The following EVC2 variants were observed in gnomAD, a reference collection of about 807,000 sequenced individuals.
The protein encoded by EVC2 is EvC ciliary complex subunit 2, also known as limbin.
In EVC2, 148 loss-of-function variants were observed where a neutral mutation model predicts 149.3. That is an observed-to-expected ratio of 0.99 (90% confidence interval 0.87 to 1.14). The LOEUF (loss-of-function observed/expected upper bound fraction) is 1.14. Among genes scored for constraint, EVC2 ranks in the 50% most tolerant of loss-of-function variants. The pLI, the probability that EVC2 is intolerant of heterozygous loss-of-function variation, is 0.00. For missense variants in EVC2, 1,854 were observed against 1,627.3 expected, an observed-to-expected ratio of 1.14 and a Z score of -2.40; for synonymous variants, 776 against 649.9, an observed-to-expected ratio of 1.19 and a Z score of -2.95.
rs765159349 is a variant in EVC2 at position 5,685,454 on chromosome 4, G to A, written c.732C>T (p.Tyr244=). 3.3e-5 allele frequency: 54 copies of A among 1,614,086 alleles called. No homozygotes were observed. Among genetic ancestry groups the A allele is most frequent in the Middle Eastern group, 1.6e-4 (1 of 6,084 alleles). ...GGTCTCCAGCCTGGAGCGTGGCTGCGTAGCTGACAGCAAAGGCATCTCCCA... is the reference window on the plus strand; with the variant it reads ...GGTCTCCAGCCTGGAGCGTGGCTGCATAGCTGACAGCAAAGGCATCTCCCA... ...LQVGDAFAVS[Y]AATLQAGDLG... is the part of the protein sequence containing the mutation. Residue 244 remains tyrosine, a synonymous_variant, in exon 6 of 22, where the codon TAC becomes TAT. Coordinates refer to ENST00000344408, the MANE Select transcript of EVC2 (RefSeq NM_147127.5).
chr4:5,539,705 ATGT>A (rs1446493585), downstream of EVC2, among the ~76,000 whole-genome samples: 1 of 152,148 alleles, frequency 6.6e-6, no homozygotes, highest in Non-Finnish European at 1.5e-5. Context: ...TCAAAAAATG[ATGT>A]TGTACAATTG....
intron 9 of EVC2, among the ~76,000 whole-genome samples, chr4:5,645,596 CT>C (rs915451453): frequency 2.8e-4 from 42 of 152,286 alleles, no homozygotes; most frequent in African/African-American, 1.0e-3. Flanking sequence ...TGATCTCACT[CT>C]TTTTTAACGG....
intron 16 of EVC2, among the ~76,000 whole-genome samples, chr4:5,606,676 CA>C (rs1714415662): frequency 6.6e-6 from 1 of 152,018 alleles, no homozygotes; most frequent in African/African-American, 2.4e-5. Flanking sequence ...AGAGAAAACC[CA>C]ATCAATAGAA....
At chr4:5,682,929 T>C (rs1401347189) in intron 6 of EVC2, among the ~76,000 whole-genome samples, 1 of 151,600 alleles carries the variant, frequency 6.6e-6, no homozygotes, top group Non-Finnish European at 1.5e-5. Context: ...GCAACCCATG[T>C]AATTCTCATT....
chr4:5,546,260 C>G (rs552475204), intron 21 of EVC2, among the ~76,000 whole-genome samples: 5 of 152,298 alleles, frequency 3.3e-5, no homozygotes, highest in Non-Finnish European at 7.3e-5. Flanking sequence ...AAGGCACATG[C>G]ATACGTATGT....
intron 4 of EVC2, among the ~76,000 whole-genome samples, chr4:5,689,798 C>G (rs902870519): frequency 1.3e-5 from 2 of 152,180 alleles, no homozygotes; most frequent in African/African-American, 2.4e-5. Context: ...GATCATCTCC[C>G]ACATTCAGGC....
At chr4:5,688,237 T>C (rs1720852285) in intron 5 of EVC2, among the ~76,000 whole-genome samples, 1 of 152,146 alleles carries the variant, frequency 6.6e-6, no homozygotes, top group South Asian at 2.1e-4. Context: ...TGAGGCCTTA[T>C]CTAGGCTCAG....
rs1717260690 is a variant in EVC2, at chr4:5,640,653, T to G, written c.1331A>C (p.Gln444Pro). The G allele has an allele frequency of 1.2e-6, 2 of 1,614,140 alleles. No individual in the cohort carries two copies. Among genetic ancestry groups the G allele is most frequent in the East Asian group, 4.5e-5 (2 of 44,872 alleles). Residue 444 changes from glutamine (Q) to proline (P), a missense_variant, in exon 10 of 22, where the codon CAA (glutamine) becomes CCA (proline). By Grantham distance (76) the Gln-to-Pro change is moderately conservative. Transcript: ENST00000344408. This position sits in a 1 kb window ranked among gnomAD's most constrained non-coding sequence, Gnocchi z 4.6. ...KQFLLLENEI[Q>P]EEYDRKMVAL... ...CACCATCTTCCGATCGTACTCCTCT[T>G]GTATTTCATTTTCCAGCAATAGAAA...
intron 16 of EVC2, among the ~76,000 whole-genome samples, chr4:5,606,992 G>A (rs1381968222): frequency 3.9e-5 from 6 of 152,124 alleles, no homozygotes; most frequent in African/African-American, 7.2e-5. Flanking sequence ...ACAGAAGTCC[G>A]GAAAGGCTTA....
At chr4:5,707,276 A>T (rs1722266664) in intron 1 of EVC2, among the ~76,000 whole-genome samples, 1 of 152,002 alleles carries the variant, frequency 6.6e-6, no homozygotes, top group South Asian at 2.1e-4. Context: ...TCCAGTGAAA[A>T]CCTAAAGACA....
intron 8 of EVC2, among the ~76,000 whole-genome samples, chr4:5,664,254 C>A: frequency 6.6e-6 from 1 of 152,132 alleles, no homozygotes; most frequent in East Asian, 1.9e-4. Context: ...TTTTTAACCC[C>A]AATCCAACTC....
chr4:5,565,722 C>A (rs570872038), intron 20 of EVC2, among the ~76,000 whole-genome samples: 1 of 152,024 alleles, frequency 6.6e-6, no homozygotes, highest in African/African-American at 2.4e-5. Flanking sequence ...GTAATCCTAC[C>A]CATCTCTCAA....
intron 5 of EVC2, among the ~76,000 whole-genome samples, chr4:5,687,598 T>A (rs73798121): frequency 0.081 from 12,322 of 151,956 alleles, 611 homozygotes; most frequent in East Asian, 0.2. Flanking sequence ...AGGGACTGGG[T>A]AGGGCTTTCT....
chr4:5,645,555 T>G (rs1159464736), intron 9 of EVC2, among the ~76,000 whole-genome samples: 1 of 152,332 alleles, frequency 6.6e-6, no homozygotes, highest in East Asian at 1.9e-4. Context: ...GATAATAGCC[T>G]TCAGCTCCAT....
chr4:5,682,100 C>T (rs1231747686), intron 6 of EVC2, among the ~76,000 whole-genome samples: 1 of 152,160 alleles, frequency 6.6e-6, no homozygotes, highest in Non-Finnish European at 1.5e-5. Flanking sequence ...TAATATAGAA[C>T]CCTGAAGAGT....
At chr4:5,597,086 C>G (rs1713499133) in intron 16 of EVC2, among the ~76,000 whole-genome samples, 1 of 152,150 alleles carries the variant, frequency 6.6e-6, no homozygotes, top group East Asian at 1.9e-4. Context: ...AGCTTACCAA[C>G]CAAAAAGAGT....
intron 20 of EVC2, among the ~76,000 whole-genome samples, chr4:5,565,858 A>G (rs1034626214): frequency 2.6e-5 from 4 of 152,122 alleles, no homozygotes; most frequent in African/African-American, 9.7e-5. Context: ...TCTGCCCTCA[A>G]GGGGCCAAGT....
At chr4:5,595,423 T>C (rs1713296851) in intron 16 of EVC2, among the ~76,000 whole-genome samples, 1 of 152,140 alleles carries the variant, frequency 6.6e-6, no homozygotes, top group Non-Finnish European at 1.5e-5. Context: ...TCAACATTCT[T>C]AAAGAAAAGA....
chr4:5,629,704 C>T (rs1716388708), intron 11 of EVC2, among the ~76,000 whole-genome samples: 1 of 152,222 alleles, frequency 6.6e-6, no homozygotes, highest in Non-Finnish European at 1.5e-5. Context: ...TGAAAAGCTG[C>T]ATGGCCAGTC....
Sources: gnomAD v4.1 joint callset for allele counts (sites outside exome capture counted in the v4.1 genomes callset) on GRCh38, gnomAD v4.1.1 for gene constraint, Gnocchi (gnomAD v3.1) non-coding constraint, MANE v1.5 for transcripts, NCBI Gene and HGNC (gene_info 2026-07-23, HGNC 2026-07-21) for gene names.